The following MACROD2 variants were observed in gnomAD, a reference collection of about 807,000 sequenced individuals.
The protein encoded by MACROD2 is ADP-ribose glycohydrolase MACROD2.
Under a neutral mutation model 70.4 loss-of-function variants are expected in MACROD2, and 36 were observed. The ratio of observed to expected loss-of-function variants is 0.51; its 90% CI spans 0.39 to 0.68. The LOEUF (loss-of-function observed/expected upper bound fraction) is 0.68. Among genes scored for constraint, MACROD2 ranks in the 30% least tolerant of loss-of-function variants. MACROD2 has a pLI of 0.00. For synonymous variants in MACROD2, 172 were observed against 178.8 expected, an observed-to-expected ratio of 0.96 and a Z score of 0.30; for missense variants, 496 against 538.4, an observed-to-expected ratio of 0.92 and a Z score of 0.78.
chr20:15,739,382 T>C (rs1330860785), intron 8 of MACROD2, among the ~76,000 whole-genome samples: 1 of 152,168 alleles, frequency 6.6e-6, no homozygotes, highest in Non-Finnish European at 1.5e-5. Flanking sequence ...TAAATTCAGT[T>C]TCTACCCAGA....
chr20:15,854,476 G>T (rs774100582), intron 8 of MACROD2, among the ~76,000 whole-genome samples: 2 of 152,180 alleles, frequency 1.3e-5, no homozygotes, highest in African/African-American at 4.8e-5. Context: ...CAAGCCTGAG[G>T]TGAGGACTCT....
chr20:14,680,305 T>A (rs912285022), intron 4 of MACROD2, among the ~76,000 whole-genome samples: 1 of 152,152 alleles, frequency 6.6e-6, no homozygotes, highest in Admixed American at 6.5e-5. Flanking sequence ...GAGAAAATAA[T>A]TCAGCAGCTT....
At chr20:14,887,027 C>A (rs2073685469) in intron 5 of MACROD2, among the ~76,000 whole-genome samples, 1 of 151,992 alleles carries the variant, frequency 6.6e-6, no homozygotes, top group Non-Finnish European at 1.5e-5. Context: ...TGATTTTTGG[C>A]AGAGGATGGG....
intron 3 of MACROD2, among the ~76,000 whole-genome samples, chr20:14,300,212 C>T (rs886821709): frequency 6.6e-6 from 1 of 152,170 alleles, no homozygotes; most frequent in African/African-American, 2.4e-5. Context: ...ATGTCTGTTA[C>T]AACATCGCTA....
chr20:15,600,353 C>T (rs1013798636), intron 8 of MACROD2, among the ~76,000 whole-genome samples: 3 of 152,060 alleles, frequency 2.0e-5, no homozygotes, highest in Admixed American at 6.5e-5. Context: ...TTTGTTGTTC[C>T]GGCTAACAAG....
chr20:15,646,522 G>A lies in MACROD2; in HGVS notation c.645+146675G>A, dbSNP rs191778835. On this transcript the variant is annotated intron_variant, in intron 8 of 17. Coordinates refer to ENST00000684519, the MANE Select transcript of MACROD2 (RefSeq NM_001351661.2). ...CAACTGAGGCTTGGAGAAATTCTCT[G>A]GTTAAGGTTACATAGTGATATGGTT... 7.9e-5 allele frequency among the ~76,000 whole-genome samples: 12 copies of A among 152,294 alleles called. No homozygotes were observed. The South Asian group carries it at 2.1e-3, about 26-fold the overall frequency.
At chr20:14,581,452 T>C (rs1455292523) in intron 4 of MACROD2, among the ~76,000 whole-genome samples, 2 of 152,240 alleles carry the variant, frequency 1.3e-5, no homozygotes, top group African/African-American at 4.8e-5. Context: ...TTTATTTTTC[T>C]TGGCCTTTTA....
chr20:14,647,355 C>T (rs1170714058), intron 4 of MACROD2, among the ~76,000 whole-genome samples: 1 of 152,092 alleles, frequency 6.6e-6, no homozygotes, highest in Non-Finnish European at 1.5e-5. Flanking sequence ...TTGGCAGAGG[C>T]AGAAATCTCA....
chr20:15,555,722 G>A (rs765821180), intron 8 of MACROD2, among the ~76,000 whole-genome samples: 2 of 151,150 alleles, frequency 1.3e-5, no homozygotes, highest in African/African-American at 2.4e-5. Flanking sequence ...CCAGCTACTC[G>A]GGAGGCTGAG....
At chr20:14,333,612 A>G (rs2082882585) in intron 3 of MACROD2, among the ~76,000 whole-genome samples, 1 of 152,180 alleles carries the variant, frequency 6.6e-6, no homozygotes, top group Admixed American at 6.6e-5. Flanking sequence ...TTACCATTGC[A>G]GACTTCAAAT....
chr20:14,723,896 A>G (rs1027609965), intron 5 of MACROD2, among the ~76,000 whole-genome samples: 3 of 152,066 alleles, frequency 2.0e-5, no homozygotes, highest in African/African-American at 7.2e-5. Flanking sequence ...ATTATGTTCT[A>G]TTGTAATCTG....
chr20:14,933,125 A>C lies in MACROD2; in HGVS notation c.418+248166A>C, dbSNP rs184170607. 1.1e-4 allele frequency among the ~76,000 whole-genome samples: 17 copies of C among 152,082 alleles called. No homozygotes were observed. In the East Asian group the frequency reaches 1.4e-3, roughly 12 times the overall value. ...AGAAATTGTCAGGGTTGTCAACATC[A>C]TGCTTCATGGCTTTTGAAATCTGGA... On this transcript the variant is annotated intron_variant, in intron 5 of 17. Coordinates refer to ENST00000684519, the MANE Select transcript of MACROD2 (RefSeq NM_001351661.2).
At chr20:15,791,686 C>T (rs1408292174) in intron 8 of MACROD2, among the ~76,000 whole-genome samples, 1 of 151,780 alleles carries the variant, frequency 6.6e-6, no homozygotes, top group African/African-American at 2.4e-5. Flanking sequence ...ATAATAGCAA[C>T]AAGAAAAGTA....
intron 5 of MACROD2, among the ~76,000 whole-genome samples, chr20:15,038,748 A>T (rs1012204963): frequency 1.3e-5 from 2 of 152,192 alleles, no homozygotes; most frequent in African/African-American, 4.8e-5. Flanking sequence ...TAGTTGGATG[A>T]TCTGAAGACA....
intron 3 of MACROD2, among the ~76,000 whole-genome samples, chr20:14,158,022 C>T (rs975925806): frequency 1.3e-5 from 2 of 152,026 alleles, no homozygotes; most frequent in African/African-American, 4.8e-5. Flanking sequence ...GTGGCTAGAC[C>T]AATTTACCTT....
intron 8 of MACROD2, among the ~76,000 whole-genome samples, chr20:15,686,872 CAAAAAAAAAAA>C (rs142175244): frequency 2.9e-5 from 2 of 69,314 alleles, no homozygotes; most frequent in East Asian, 8.2e-4. Flanking sequence ...GACTCCATCT[CAAAAAAAAAAA>C]AAAAAAAAAA....
intron 6 of MACROD2, among the ~76,000 whole-genome samples, chr20:15,342,514 C>A (rs1170686201): frequency 6.6e-6 from 1 of 152,122 alleles, no homozygotes; most frequent in East Asian, 1.9e-4. Context: ...ATCAGTGGAT[C>A]TATAAAAACT....
intron 4 of MACROD2, among the ~76,000 whole-genome samples, chr20:14,559,573 C>T (rs77845252): frequency 0.01 from 1,548 of 151,856 alleles, 25 homozygotes; most frequent in African/African-American, 0.036. Context: ...AATGTCAGCA[C>T]GTTTACACTT....
At chr20:14,989,595 T>G (rs1298378381) in intron 5 of MACROD2, among the ~76,000 whole-genome samples, 7 of 152,154 alleles carry the variant, frequency 4.6e-5, no homozygotes, top group African/African-American at 1.7e-4. Flanking sequence ...TCATGAAGAT[T>G]CCTGGAACAA....
Sources: allele counts gnomAD v4.1 joint callset (sites outside exome capture counted in the v4.1 genomes callset), GRCh38; gene constraint gnomAD v4.1.1; transcripts MANE v1.5; gene names NCBI Gene and HGNC (gene_info 2026-07-23, HGNC 2026-07-21).